The following THRB variants were observed in gnomAD, a reference collection of about 807,000 sequenced individuals.
The protein encoded by THRB is thyroid hormone receptor beta, also known as nuclear receptor subfamily 1 group A member 2.
In THRB, 12 loss-of-function variants were observed where a neutral mutation model predicts 47.8. That is an observed-to-expected ratio of 0.25 (90% CI 0.16 to 0.41). The LOEUF is 0.41. THRB is among the 10% of genes least tolerant of loss of function. The pLI is 1.00. For synonymous variants in THRB, 218 were observed against 212.2 expected, an observed-to-expected ratio of 1.03 and a Z score of -0.24; for missense variants, 348 against 589.2, an observed-to-expected ratio of 0.59 and a Z score of 4.24.
intron 1 of THRB, among the ~76,000 whole-genome samples, chr3:24,471,793 A>G (rs1694748452): frequency 6.6e-6 from 1 of 152,206 alleles, no homozygotes; most frequent in South Asian, 2.1e-4. Context: ...CAGCCTGCAT[A>G]TCTCCATTTT....
intron 1 of THRB, chr3:24,454,990 C>T (rs2073028041): frequency 6.6e-6 from 1 of 151,800 alleles, no homozygotes; most frequent in African/African-American, 2.4e-5. Context: ...ACCAAAGTCG[C>T]TAACAATTGA....
At chr3:24,287,222 G>C (rs1420167134) in intron 3 of THRB, among the ~76,000 whole-genome samples, 1 of 151,994 alleles carries the variant, frequency 6.6e-6, no homozygotes, top group Non-Finnish European at 1.5e-5. Flanking sequence ...AGCGCCTTCA[G>C]CTTTACCCAC....
intron 1 of THRB, among the ~76,000 whole-genome samples, chr3:24,347,011 T>C (rs945561968): frequency 6.6e-6 from 1 of 152,054 alleles, no homozygotes; most frequent in African/African-American, 2.4e-5. Context: ...TAAATGAGTC[T>C]GAATAAATTT....
At chr3:24,476,320 G>C (rs1695443705) in intron 1 of THRB, among the ~76,000 whole-genome samples, 2 of 152,252 alleles carry the variant, frequency 1.3e-5, no homozygotes, top group South Asian at 4.2e-4. Flanking sequence ...TAGCTTCAGA[G>C]GGATTACTGC....
chr3:24,458,857 C>T (rs914405367), intron 1 of THRB: 1 of 151,794 alleles, frequency 6.6e-6, no homozygotes, highest in Admixed American at 6.6e-5. Context: ...CCTTCAAATA[C>T]GTTAAATATT....
chr3:24,246,787 C>G (rs931393698), intron 3 of THRB, among the ~76,000 whole-genome samples: 1 of 152,078 alleles, frequency 6.6e-6, no homozygotes, highest in Non-Finnish European at 1.5e-5. Context: ...TGTACCATCT[C>G]TAGAGTCAAG....
chr3:24,224,268 T>C (rs711733), intron 4 of THRB, among the ~76,000 whole-genome samples: 26,448 of 152,188 alleles, frequency 0.17, 2,777 homozygotes, highest in East Asian at 0.37. Context: ...GTATTCATCG[T>C]ATATTATTTA....
chr3:24,417,134 A>G (rs62255430), intron 1 of THRB, among the ~76,000 whole-genome samples: 12,338 of 90,444 alleles, frequency 0.14, 574 homozygotes, highest in Non-Finnish European at 0.16. Context: ...ACACACACAC[A>G]CACACGCGCA....
intron 1 of THRB, among the ~76,000 whole-genome samples, chr3:24,469,762 G>A (rs982953): frequency 0.52 from 79,125 of 151,830 alleles, 20,833 homozygotes; most frequent in African/African-American, 0.6. Context: ...AACTATGAGC[G>A]CGTGGTAAAG....
chr3:24,223,865 A>G (rs1391569843), intron 4 of THRB, among the ~76,000 whole-genome samples: 4 of 151,678 alleles, frequency 2.6e-5, no homozygotes, highest in African/African-American at 9.7e-5. Flanking sequence ...ATAAAAGGTG[A>G]AGTTTGAGTC....
chr3:24,340,635 G>A (rs2062573805), intron 1 of THRB, among the ~76,000 whole-genome samples: 1 of 152,084 alleles, frequency 6.6e-6, no homozygotes, highest in African/African-American at 2.4e-5. Context: ...CTGTGTAAGT[G>A]CCAGTTCTCA....
intron 5 of THRB, 115 bp downstream of exon 5, chr3:24,189,959 A>G: frequency 9.8e-7 from 1 of 1,019,026 alleles, no homozygotes; most frequent in Non-Finnish European, 1.5e-6. Context: ...ACAGTTGGAG[A>G]AAACATGGGA....
chr3:24,348,387 C>T (rs2063154284), intron 1 of THRB, among the ~76,000 whole-genome samples: 1 of 152,086 alleles, frequency 6.6e-6, no homozygotes, highest in Admixed American at 6.6e-5. Context: ...CTGGTCCCTG[C>T]CACAAGTCCC....
chr3:24,344,706 C>T (rs184549531), intron 1 of THRB, among the ~76,000 whole-genome samples: 28 of 149,760 alleles, frequency 1.9e-4, no homozygotes, highest in Admixed American at 5.3e-4. Flanking sequence ...TATATATCTC[C>T]GAAACAAAAG....
At chr3:24,424,568 C>A (rs1315315322) in intron 1 of THRB, among the ~76,000 whole-genome samples, 1 of 151,932 alleles carries the variant, frequency 6.6e-6, no homozygotes, top group Non-Finnish European at 1.5e-5. Flanking sequence ...CTGCCACAGG[C>A]TACAGTTTGA....
In THRB at chr3:24,269,403, G is replaced by GCACACA. The variant is rs200586026; in HGVS notation, c.-43+27817_-43+27822dup. Among the ~76,000 whole-genome samples the GCACACA allele has an allele frequency of 1.0e-3, 73 of 72,660 alleles. 1 individual carries two copies. The highest frequency in any genetic ancestry group is 6.3e-3 in the Admixed American group (53 of 8,408). The allele number at this position is 72,660 out of a possible 152,430, so 47.7% of individuals were successfully genotyped here. ...ATAGCTCACACGCGCGCGCGCGCGC[G>GCACACA]CACACACACACACACACACACACAC... On this transcript the variant is annotated intron_variant, in intron 3 of 10. Transcript: ENST00000646209.
Position 24,273,949 on chromosome 3 carries a change from A to G in THRB, c.-43+23277T>C, listed in dbSNP as rs190493917. On this transcript the variant is annotated intron_variant, in intron 3 of 10. Coordinates refer to ENST00000646209, the MANE Select transcript of THRB (RefSeq NM_001354712.2). ...CCTTTATTTTTCTTGCTTTGGGGGT[A>G]GGAAAATATTATTTCTTTATGTTGT... Among the ~76,000 whole-genome samples the G allele has an allele frequency of 4.6e-3, 695 of 152,316 alleles. 6 individuals carry two copies. The highest frequency in any genetic ancestry group is 0.016 in the African/African-American group (661 of 41,568).
chr3:24,203,637 T>A (rs986736023), intron 4 of THRB, among the ~76,000 whole-genome samples: 1 of 152,136 alleles, frequency 6.6e-6, no homozygotes, highest in Admixed American at 6.5e-5. Flanking sequence ...TTCATCTCAC[T>A]GGGGCTTTTC....
chr3:24,173,067 G>A (rs578259318), intron 5 of THRB, among the ~76,000 whole-genome samples: 1 of 152,290 alleles, frequency 6.6e-6, no homozygotes, highest in South Asian at 2.1e-4. Context: ...TGAACCAGCA[G>A]CATTAGCATA....
Sources: gnomAD v4.1 joint callset for allele counts (sites outside exome capture counted in the v4.1 genomes callset) on GRCh38, gnomAD v4.1.1 for gene constraint, MANE v1.5 for transcripts, NCBI Gene and HGNC (gene_info 2026-07-23, HGNC 2026-07-21) for gene names.